AGPS: variants seen among roughly 807,000 people sequenced by gnomAD.
AGPS encodes the protein alkylglycerone phosphate synthase, also known as alkyldihydroxyacetonephosphate synthase, peroxisomal.
In AGPS, 26 loss-of-function variants were observed where a neutral mutation model predicts 90.7. The observed-to-expected ratio is 0.29, with a 90% CI of 0.21 to 0.40. The LOEUF (loss-of-function observed/expected upper bound fraction) is 0.40. AGPS is among the 10% of genes least tolerant of loss of function. The pLI, the probability that AGPS is intolerant of heterozygous loss-of-function variation, is 1.00. For missense variants in AGPS, 540 were observed against 816.1 expected (o/e 0.66, Z 4.12); for synonymous variants, 294 against 285.3 (o/e 1.03, Z -0.31).
chr2:177,405,551 T>C (rs1685443143), intron 1 of AGPS, among the ~76,000 whole-genome samples: 1 of 152,240 alleles, frequency 6.6e-6, no homozygotes, highest in African/African-American at 2.4e-5. Context: ...TATCACTCTT[T>C]TGAAAAGGCC....
At chr2:177,482,219 ACATAT>A in intron 11 of AGPS, 33 bp downstream of exon 11, 1 of 1,159,668 alleles carries the variant, frequency 8.6e-7, no homozygotes, top group African/African-American at 1.6e-5. Flanking sequence ...ATACATACAT[ACATAT>A]ATGTTTATGT....
intron 17 of AGPS, 47 bp downstream of exon 17, chr2:177,513,955 T>G (rs1559080041): frequency 1.4e-6 from 2 of 1,386,332 alleles, no homozygotes; most frequent in Middle Eastern, 1.9e-4. Context: ...GAAAAAAATG[T>G]TTTTTTTAAT....
intron 1 of AGPS, among the ~76,000 whole-genome samples, chr2:177,411,401 A>C (rs1422577039): frequency 2.6e-5 from 4 of 152,152 alleles, no homozygotes; most frequent in African/African-American, 9.7e-5. Context: ...AGTTTTCCTT[A>C]GTCCTTCTAG....
At chr2:177,469,826 G>A (rs1353111612) in intron 10 of AGPS, among the ~76,000 whole-genome samples, 1 of 151,650 alleles carries the variant, frequency 6.6e-6, no homozygotes, top group East Asian at 1.9e-4. Flanking sequence ...TTTTCAAATA[G>A]CCACATTATA....
At chr2:177,478,391 T>A (rs1241939879) in intron 10 of AGPS, among the ~76,000 whole-genome samples, 2 of 152,190 alleles carry the variant, frequency 1.3e-5, no homozygotes, top group African/African-American at 2.4e-5. Context: ...GTTATTGGTT[T>A]TTAATAAATT....
chr2:177,521,286 A>C lies in AGPS; in HGVS notation c.1715A>C (p.Asp572Ala). 1.2e-6 allele frequency: 2 copies of C among 1,614,112 alleles called. No individual in the cohort carries two copies. Among genetic ancestry groups the C allele is most frequent in the Non-Finnish European group, 1.7e-6 (2 of 1,179,968 alleles). The change falls in exon 18 of 20, where the codon GAT (aspartate) becomes GCT (alanine). Residue 572 changes from aspartate (D) to alanine (A), a missense_variant. Physicochemically the swap from Asp to Ala is moderately radical, Grantham distance 126. This residue lies in a region of AGPS where 405 missense variants were observed against 692.1 expected (regional missense o/e 0.59). Coordinates refer to ENST00000264167, the MANE Select transcript of AGPS (RefSeq NM_003659.4). ...TTTTTTAGGGTGACGCAGACTTACGATGCAGGTGCTTGTATCTACTTCTAT... is the reference window on the plus strand; with the variant it reads ...TTTTTTAGGGTGACGCAGACTTACGCTGCAGGTGCTTGTATCTACTTCTAT... Reference protein sequence around the residue: ...FSTCRVTQTYDAGACIYFYFA... With the variant: ...FSTCRVTQTYAAGACIYFYFA...
intron 11 of AGPS, among the ~76,000 whole-genome samples, chr2:177,485,805 T>C (rs1688076099): frequency 6.6e-6 from 1 of 152,110 alleles, no homozygotes; most frequent in Non-Finnish European, 1.5e-5. Flanking sequence ...TAATCCTAGC[T>C]ACTCTGGAGG....
intron 1 of AGPS, among the ~76,000 whole-genome samples, chr2:177,411,633 AACATT>A (rs1042934182): frequency 2.0e-5 from 3 of 152,224 alleles, no homozygotes; most frequent in African/African-American, 7.2e-5. Flanking sequence ...ATCTAGCAGT[AACATT>A]ATATTTTTCC....
intron 2 of AGPS, among the ~76,000 whole-genome samples, chr2:177,431,013 G>T (rs1007006609): frequency 1.3e-5 from 2 of 152,092 alleles, no homozygotes; most frequent in Admixed American, 6.5e-5. Flanking sequence ...AGCAATTGTG[G>T]AACTCACCCT....
chr2:177,470,718 A>AG (rs1365651300), intron 10 of AGPS, among the ~76,000 whole-genome samples: 3 of 149,090 alleles, frequency 2.0e-5, no homozygotes, highest in Non-Finnish European at 3.0e-5. Context: ...CTCAAAAAAA[A>AG]AAAAAAAGAA....
intron 5 of AGPS, among the ~76,000 whole-genome samples, chr2:177,438,262 A>C (rs1686477615): frequency 6.6e-6 from 1 of 151,824 alleles, no homozygotes; most frequent in Non-Finnish European, 1.5e-5. Context: ...TTCAATATTA[A>C]AATACTTAGA....
chr2:177,396,461 G>C (rs934526681), intron 1 of AGPS, among the ~76,000 whole-genome samples: 2 of 152,178 alleles, frequency 1.3e-5, no homozygotes, highest in African/African-American at 4.8e-5. Context: ...AAAGAAAAAT[G>C]AAGCAGCTGA....
chr2:177,418,909 A>G (rs781001052), intron 1 of AGPS, among the ~76,000 whole-genome samples: 18 of 151,894 alleles, frequency 1.2e-4, no homozygotes, highest in Non-Finnish European at 1.9e-4. Flanking sequence ...CTCTCTCTGC[A>G]ATGAGGTAGG....
rs1025709509 is a variant in AGPS, at chr2:177,392,880, C to T, written c.91C>T (p.Pro31Ser). 2 of 1,550,440 alleles carry T rather than the reference C, an allele frequency of 1.3e-6. No homozygotes were observed. Among genetic ancestry groups the T allele is most frequent in the Non-Finnish European group, 1.7e-6 (2 of 1,148,510 alleles). ...AGCGGACCGGGACCGGGACCCGGAC[C>T]CGGACCGCGCCGGGCGGAGGCTGCG... ...SAADRDRDPD[P>S]DRAGRRLRVL... The change falls in exon 1 of 20, where the codon CCG becomes TCG. Residue 31 changes from proline to serine, a missense_variant. Around this residue, in one of 2 missense-constraint regions of AGPS, gnomAD observed 135 missense variants for 124.0 expected, o/e 1.09. Coordinates refer to ENST00000264167, the MANE Select transcript of AGPS (RefSeq NM_003659.4).
intron 2 of AGPS, among the ~76,000 whole-genome samples, chr2:177,421,512 AT>A (rs1167029495): frequency 6.6e-6 from 1 of 152,070 alleles, no homozygotes; most frequent in Non-Finnish European, 1.5e-5. Flanking sequence ...TTTGAAAGTA[AT>A]TTTAATGAAG....
At chr2:177,448,949 AGGAGGGTCT>A (rs1425391428) in intron 8 of AGPS, among the ~76,000 whole-genome samples, 6 of 152,152 alleles carry the variant, frequency 3.9e-5, no homozygotes, top group African/African-American at 1.4e-4. Context: ...TATGTATGGG[AGGAGGGTCT>A]GGCTTCTTTC....
chr2:177,519,894 C>T (rs540131193), intron 17 of AGPS, among the ~76,000 whole-genome samples: 18 of 152,338 alleles, frequency 1.2e-4, no homozygotes, highest in Admixed American at 1.2e-3. Flanking sequence ...AGAGCTGCCC[C>T]AAGGTCTGCT....
At chr2:177,457,885 A>T (rs1459511624) in intron 8 of AGPS, among the ~76,000 whole-genome samples, 1 of 152,194 alleles carries the variant, frequency 6.6e-6, no homozygotes, top group African/African-American at 2.4e-5. Flanking sequence ...ACAACAAAAA[A>T]AGAAAATTTC....
intron 2 of AGPS, among the ~76,000 whole-genome samples, chr2:177,421,684 C>T (rs1685946146): frequency 6.6e-6 from 1 of 151,876 alleles, no homozygotes; most frequent in Non-Finnish European, 1.5e-5. Context: ...ATCAGATTTA[C>T]CAGTGTTCTA....
Sources: gnomAD v4.1 joint callset for allele counts (sites outside exome capture counted in the v4.1 genomes callset) on GRCh38, gnomAD v4.1.1 for gene constraint, gnomAD v4.1.1 regional missense constraint, MANE v1.5 for transcripts, NCBI Gene and HGNC (gene_info 2026-07-23, HGNC 2026-07-21) for gene names.